The following SLC2A11 variants were observed in gnomAD, a reference collection of about 807,000 sequenced individuals.
The protein encoded by SLC2A11 is solute carrier family 2 member 11, also known as solute carrier family 2, facilitated glucose transporter member 11.
Under a neutral mutation model 52.1 loss-of-function variants are expected in SLC2A11, and 43 were observed. That is an observed-to-expected ratio of 0.82 (90% CI 0.65 to 1.06). The LOEUF (loss-of-function observed/expected upper bound fraction) is 1.06. SLC2A11 is among the 50% of genes least tolerant of loss of function. SLC2A11 has a pLI of 0.00. For synonymous variants in SLC2A11, 261 were observed against 277.6 expected (o/e 0.94, Z 0.59); for missense variants, 582 against 654.2 (o/e 0.89, Z 1.20).
intron 3 of SLC2A11, chr22:23,872,195 A>G (rs1175388019): frequency 6.6e-6 from 1 of 152,162 alleles, no homozygotes; most frequent in Non-Finnish European, 1.5e-5. Context: ...AATAGAAAAA[A>G]TTAGCTGGGC....
chr22:23,858,144 A>C (rs1218392437), intron 1 of SLC2A11, 115 bp downstream of exon 1: 2 of 1,410,750 alleles, frequency 1.4e-6, no homozygotes, highest in Non-Finnish European at 2.0e-6. Flanking sequence ...AAATGTTCAA[A>C]AATATCGTGC....
chr22:23,856,982 C>G (rs2031849335), upstream of SLC2A11: 4 of 1,611,698 alleles, frequency 2.5e-6, 1 homozygote, highest in Non-Finnish European at 2.5e-6. Flanking sequence ...TGAGAGCGCT[C>G]CGAAGACTGG....
At chr22:23,862,780 T>C (rs2032119278) in intron 2 of SLC2A11, among the ~76,000 whole-genome samples, 1 of 152,158 alleles carries the variant, frequency 6.6e-6, no homozygotes, top group Non-Finnish European at 1.5e-5. Context: ...TGTGCCACCA[T>C]GCCCAGCTAA....
At chr22:23,863,647 T>C (rs1490607252) in intron 2 of SLC2A11, among the ~76,000 whole-genome samples, 16 of 141,296 alleles carry the variant, frequency 1.1e-4, no homozygotes, top group African/African-American at 4.2e-4. Context: ...GACAGAGTCT[T>C]GCTCTCTCAC....
In SLC2A11 at chr22:23,868,507, A is replaced by G. The variant is rs2298376; in HGVS notation, c.156A>G (p.Thr52=). 789 of 1,614,204 alleles carry G rather than the reference A, an allele frequency of 4.9e-4. 5 individuals are homozygous for G. In the East Asian group the frequency reaches 6.2e-3, roughly 13 times the overall value. ...ACATTCAGGAATTCACCAATGAGAC[A>G]TGGCAGGCGCGTACTGGAGAGCCAC... is the stretch of plus-strand genomic sequence containing the variant. The part of the protein sequence containing the change: ...TLHIQEFTNE[T]WQARTGEPLP... The change falls in exon 3 of 12, where the codon ACA becomes ACG. Residue 52 remains threonine (T), a synonymous_variant. Transcript: ENST00000316185.
chr22:23,864,535 GTC>G (rs2032191044), intron 2 of SLC2A11, among the ~76,000 whole-genome samples: 1 of 152,150 alleles, frequency 6.6e-6, no homozygotes, highest in East Asian at 1.9e-4. Flanking sequence ...AGCCAGGCTG[GTC>G]TCAAACTCCT....
rs1432086787 is a variant in SLC2A11 at position 23,884,129 on chromosome 22, C to G, written c.1171+105C>G. 2.0e-6 allele frequency: 3 copies of G among 1,518,740 alleles called. No homozygotes were observed. In the Admixed American group the frequency reaches 6.6e-5, roughly 33 times the overall value. 94.1% of individuals were successfully genotyped at this position (1,518,740 alleles called of 1,614,324 possible). A position where few individuals can be genotyped will look rare whatever the true frequency, so the allele number is the denominator to read the frequency against. ...GTGAATGCAATGTCCCCTGCAGGCC[C>G]TCAGAGACCACCTCATGCCGGGGCT... On this transcript the variant is annotated intron_variant, in intron 10 of 11. Transcript: ENST00000316185. This position sits in a 1 kb window ranked among gnomAD's most constrained non-coding sequence, Gnocchi z 4.3.
At chr22:23,857,515 T>C, upstream of SLC2A11, 1 of 1,613,518 alleles carries the variant, frequency 6.2e-7, no homozygotes, top group South Asian at 1.1e-5. Flanking sequence ...GAGCCGTCCT[T>C]ACGGCCTCGG....
At chr22:23,878,808 C>T (rs1316489118) in intron 6 of SLC2A11, among the ~76,000 whole-genome samples, 1 of 152,188 alleles carries the variant, frequency 6.6e-6, no homozygotes, top group Non-Finnish European at 1.5e-5. Flanking sequence ...TGGCATCGGG[C>T]TTGAAGTCCC....
chr22:23,867,711 C>G (rs2032316863), intron 2 of SLC2A11: 1 of 470,450 alleles, frequency 2.1e-6, no homozygotes, highest in South Asian at 1.5e-5. Context: ...AGATTAAGGT[C>G]TATAAAAACT....
In SLC2A11 at chr22:23,868,565, C is replaced by T. The variant is rs1200541777; in HGVS notation, c.214C>T (p.Leu72Phe). Reference sequence around the variant, plus strand: ...TCACCTAGTCCTGCTTATGTGGTCCCTCATCGTGTCTCTGTATCCCCTGGG... The same window carrying T: ...TCACCTAGTCCTGCTTATGTGGTCCTTCATCGTGTCTCTGTATCCCCTGGG... ...PDHLVLLMWS[L>F]IVSLYPLGGL... is the part of the protein sequence containing the mutation. The change falls in exon 3 of 12, where the codon CTC (leucine) becomes TTC (phenylalanine). Residue 72 changes from leucine to phenylalanine, a missense_variant. By Grantham distance (22) the Leu-to-Phe change is conservative. Transcript: ENST00000316185. The T allele has an allele frequency of 6.2e-7, 1 of 1,614,120 alleles. No homozygotes were observed. The highest frequency in any genetic ancestry group is 1.3e-5 in the African/African-American group (1 of 74,934).
intron 2 of SLC2A11, chr22:23,867,704 T>C (rs1426235867): frequency 6.4e-6 from 3 of 470,490 alleles, no homozygotes; most frequent in East Asian, 6.9e-5. Context: ...GAGCTGAAGA[T>C]TAAGGTCTAT....
chr22:23,865,707 T>G (rs2032237568), intron 2 of SLC2A11: 1 of 152,256 alleles, frequency 6.6e-6, no homozygotes, highest in Non-Finnish European at 1.5e-5. Context: ...CCAGGGTAAC[T>G]AGACATCATG....
chr22:23,860,238 T>C (rs1399046572), intron 1 of SLC2A11, among the ~76,000 whole-genome samples: 2 of 151,810 alleles, frequency 1.3e-5, no homozygotes, highest in Non-Finnish European at 2.9e-5. Context: ...CTGGGCAATA[T>C]GGTGAAATCC....
intron 1 of SLC2A11, among the ~76,000 whole-genome samples, chr22:23,860,727 C>T (rs992611373): frequency 3.9e-5 from 2 of 51,288 alleles, no homozygotes; most frequent in Non-Finnish European, 4.4e-5. Context: ...AGCAAAACTC[C>T]GTCTCTTTTT....
rs921382006 is a variant in SLC2A11 at position 23,877,327 on chromosome 22, C to T, written c.545+156C>T. ...TATCCACATCTCTGCTGCCAATTCACGAAATGGGTATCAGTCAACACACTG... is the reference window on the plus strand; with the variant it reads ...TATCCACATCTCTGCTGCCAATTCATGAAATGGGTATCAGTCAACACACTG... On this transcript the variant is annotated intron_variant, in intron 5 of 11. Transcript: ENST00000316185. 29 of 1,243,374 alleles carry T rather than the reference C, an allele frequency of 2.3e-5. 1 individual carries two copies. The highest frequency in any genetic ancestry group is 5.7e-5 in the Admixed American group (3 of 52,828). The allele number at this position is 1,243,374 out of a possible 1,614,324, so 77.0% of individuals were successfully genotyped here.
In SLC2A11 at chr22:23,861,982, C is replaced by T. The variant is rs952004679; in HGVS notation, c.31-122C>T. 6 of 825,162 alleles carry T rather than the reference C, an allele frequency of 7.3e-6. No homozygotes were observed. The Admixed American group carries it at 1.2e-4, about 16-fold the overall frequency. 51.1% of individuals were successfully genotyped at this position (825,162 alleles called of 1,614,324 possible). A position where few individuals can be genotyped will look rare whatever the true frequency, so the allele number is the denominator to read the frequency against. On this transcript the variant is annotated intron_variant, in intron 1 of 11. Coordinates refer to ENST00000316185, the MANE Select transcript of SLC2A11 (RefSeq NM_001024939.4). ...CCTCTCTGTGCCTCACTTTCCTCAT[C>T]TGCAAAGTGGAGACATCACTGCCTG...
intron 3 of SLC2A11, among the ~76,000 whole-genome samples, chr22:23,873,876 T>A (rs535253210): frequency 2.6e-5 from 4 of 152,352 alleles, no homozygotes; most frequent in South Asian, 4.1e-4. Context: ...ACAAGAGACC[T>A]AAGCTTTGGC....
chr22:23,876,092 A>G (rs1047595232), intron 4 of SLC2A11, among the ~76,000 whole-genome samples: 1 of 151,732 alleles, frequency 6.6e-6, no homozygotes, highest in Admixed American at 6.6e-5. Context: ...GAGTGATCTG[A>G]GGGGGTGAGG....
Sources: gnomAD v4.1 joint callset for allele counts (sites outside exome capture counted in the v4.1 genomes callset) on GRCh38, gnomAD v4.1.1 for gene constraint, Gnocchi (gnomAD v3.1) non-coding constraint, MANE v1.5 for transcripts, NCBI Gene and HGNC (gene_info 2026-07-23, HGNC 2026-07-21) for gene names.